GLG1: variants seen among roughly 807,000 people sequenced by gnomAD.
GLG1 encodes the protein Golgi apparatus protein 1.
A neutral mutation model predicts 160.5 loss-of-function variants in GLG1; 38 were observed. The observed-to-expected ratio is 0.24, with a 90% confidence interval of 0.18 to 0.31. The LOEUF is 0.31. Ranked by LOEUF, GLG1 falls within the 10% of genes least tolerant of loss-of-function variation. The pLI, the probability that GLG1 is intolerant of heterozygous loss-of-function variation, is 1.00. For missense variants in GLG1, 1,373 were observed against 1,505.2 expected (o/e 0.91, Z 1.45); for synonymous variants, 644 against 543.4 (o/e 1.19, Z -2.57).
chr16:74,520,777 T>C (rs1256708423), intron 2 of GLG1, among the ~76,000 whole-genome samples: 1 of 152,212 alleles, frequency 6.6e-6, no homozygotes, highest in Non-Finnish European at 1.5e-5. Flanking sequence ...CTTCTAGGAA[T>C]GCTAATGGGA....
intron 1 of GLG1, among the ~76,000 whole-genome samples, chr16:74,602,148 GT>G (rs1249594963): frequency 6.6e-6 from 1 of 152,036 alleles, no homozygotes; most frequent in Non-Finnish European, 1.5e-5. Flanking sequence ...GGGGTTTATG[GT>G]TTGCAACACT....
At chr16:74,486,951 T>C (rs2015812164) in intron 8 of GLG1, among the ~76,000 whole-genome samples, 1 of 150,528 alleles carries the variant, frequency 6.6e-6, no homozygotes, top group African/African-American at 2.4e-5. Context: ...TTTCGCTCTG[T>C]CACCCAGGCT....
chr16:74,534,825 A>G (rs569309590), intron 1 of GLG1, among the ~76,000 whole-genome samples: 1 of 152,344 alleles, frequency 6.6e-6, no homozygotes, highest in South Asian at 2.1e-4. Flanking sequence ...ATTTGCAGTT[A>G]ATTGAGTCTC....
chr16:74,592,141 C>G (rs1958199398), intron 1 of GLG1, among the ~76,000 whole-genome samples: 1 of 151,864 alleles, frequency 6.6e-6, no homozygotes, highest in Non-Finnish European at 1.5e-5. Context: ...GTAATTTATT[C>G]ACTGATTGAT....
At chr16:74,581,646 G>C (rs1957940168) in intron 1 of GLG1, among the ~76,000 whole-genome samples, 2 of 151,820 alleles carry the variant, frequency 1.3e-5, no homozygotes, top group South Asian at 4.2e-4. Flanking sequence ...GATCTTTCAA[G>C]ATTAAGGAAA....
intron 22 of GLG1, 195 bp downstream of exon 22, chr16:74,461,899 T>C (rs1223824636): frequency 1.9e-6 from 1 of 515,510 alleles, no homozygotes; most frequent in Non-Finnish European, 3.4e-6. Flanking sequence ...GAACAACGCT[T>C]TAGAGTGTCA....
chr16:74,462,128 A>G lies in GLG1; in HGVS notation c.3002T>C (p.Leu1001Pro). Reference protein sequence around the residue: ...IIQESALDYRLDPQLQLHCSD... With the variant: ...IIQESALDYRPDPQLQLHCSD... ...GCAGTGCAGCTGGAGCTGAGGATCCAGGCGGTAGTCCAGGGCGGACTCCTG... is the reference window on the plus strand; with the variant it reads ...GCAGTGCAGCTGGAGCTGAGGATCCGGGCGGTAGTCCAGGGCGGACTCCTG... Residue 1001 changes from leucine (L) to proline (P), a missense_variant, in exon 22 of 26, where the codon CTG becomes CCG. By Grantham distance (98) the Leu-to-Pro change is moderately conservative (BLOSUM62 -3). Around this residue, in one of 4 missense-constraint regions of GLG1, gnomAD observed 491 missense variants for 632.1 expected, o/e 0.78. Transcript: ENST00000422840. 1 of 1,607,870 alleles carries G rather than the reference A, an allele frequency of 6.2e-7. No homozygotes were observed. The highest frequency in any genetic ancestry group is 8.5e-7 in the Non-Finnish European group (1 of 1,174,380).
At chr16:74,520,483 A>G (rs1331840102) in intron 2 of GLG1, among the ~76,000 whole-genome samples, 1 of 152,172 alleles carries the variant, frequency 6.6e-6, no homozygotes, top group East Asian at 1.9e-4. Context: ...CTAAGAATAC[A>G]AAATTAGCTG....
At chr16:74,458,931 T>C (rs1033283381) in intron 23 of GLG1, among the ~76,000 whole-genome samples, 1 of 152,094 alleles carries the variant, frequency 6.6e-6, no homozygotes, top group Admixed American at 6.6e-5. Flanking sequence ...CCAGAAATGT[T>C]TCCATAAATA....
intron 16 of GLG1, chr16:74,469,334 ATC>A: frequency 4.3e-6 from 2 of 470,096 alleles, no homozygotes; most frequent in South Asian, 6.1e-5. Flanking sequence ...ACAGTTCAAC[ATC>A]TGTGTTAAAA....
chr16:74,590,719 C>G (rs1162818731), intron 1 of GLG1, among the ~76,000 whole-genome samples: 2 of 148,004 alleles, frequency 1.4e-5, no homozygotes, highest in East Asian at 4.0e-4. Context: ...ATCACTTGAA[C>G]CTGGGAGGCA....
chr16:74,596,242 T>C (rs1483380953), intron 1 of GLG1, among the ~76,000 whole-genome samples: 2 of 151,334 alleles, frequency 1.3e-5, no homozygotes, highest in Admixed American at 1.3e-4. Context: ...AAAAAATTTA[T>C]TGTGGGCTGG....
At chr16:74,538,278 C>T (rs949162843) in intron 1 of GLG1, among the ~76,000 whole-genome samples, 4 of 150,996 alleles carry the variant, frequency 2.6e-5, no homozygotes, top group Non-Finnish European at 5.9e-5. Flanking sequence ...ATTGGAGACA[C>T]TCTGCTGCAG....
intron 10 of GLG1, among the ~76,000 whole-genome samples, chr16:74,481,555 T>C (rs1478212204): frequency 1.3e-5 from 2 of 152,212 alleles, no homozygotes; most frequent in Non-Finnish European, 2.9e-5. Context: ...TAGGTTGAGA[T>C]GGCCTGAGTA....
At chr16:74,553,004 A>C (rs531235496) in intron 1 of GLG1, among the ~76,000 whole-genome samples, 1 of 152,212 alleles carries the variant, frequency 6.6e-6, no homozygotes. Context: ...GGATCACTTG[A>C]GGTCAGAAGT....
At chr16:74,468,630 G>T in intron 17 of GLG1, 1 of 275,516 alleles carries the variant, frequency 3.6e-6, no homozygotes, top group Non-Finnish European at 7.1e-6. Context: ...GCCTCCCAAA[G>T]TGCTGGGATT....
intron 1 of GLG1, among the ~76,000 whole-genome samples, chr16:74,548,267 C>A (rs1257034170): frequency 2.6e-5 from 4 of 152,224 alleles, no homozygotes; most frequent in African/African-American, 9.7e-5. Flanking sequence ...CATCACAAAG[C>A]AGGCAACGGC....
intron 24 of GLG1, 117 bp from the exon 25 acceptor site, chr16:74,456,872 A>C (rs2014568652): frequency 1.4e-6 from 1 of 703,830 alleles, no homozygotes; most frequent in Non-Finnish European, 2.5e-6. Context: ...CAGGCTCAAC[A>C]AAGTTAAATA....
intron 1 of GLG1, among the ~76,000 whole-genome samples, chr16:74,541,324 CAAAA>C (rs59761629): frequency 2.8e-5 from 2 of 71,928 alleles, no homozygotes; most frequent in Non-Finnish European, 5.1e-5. Context: ...GCTCTGTCTC[CAAAA>C]AAAAAAAAAA....
Sources: allele counts gnomAD v4.1 joint callset (sites outside exome capture counted in the v4.1 genomes callset), GRCh38; gene constraint gnomAD v4.1.1; regional missense constraint gnomAD v4.1.1; transcripts MANE v1.5; gene names NCBI Gene and HGNC (gene_info 2026-07-23, HGNC 2026-07-21).